ROBO2: variants seen among roughly 807,000 people sequenced by gnomAD.
The protein encoded by ROBO2 is roundabout guidance receptor 2, also known as roundabout homolog 2.
ROBO2 carries 53 observed loss-of-function variants against 160.8 expected under a neutral mutation model. The observed-to-expected ratio is 0.33, with a 90% CI of 0.26 to 0.41. The LOEUF (loss-of-function observed/expected upper bound fraction) is 0.41. Among genes scored for constraint, ROBO2 ranks in the 10% least tolerant of loss-of-function variants. The pLI is 1.00. For synonymous variants in ROBO2, 664 were observed against 611.7 expected (o/e 1.09, Z -1.26); for missense variants, 1,577 against 1,722.4 (o/e 0.92, Z 1.49).
chr3:76,682,098 C>T (rs778194910), intron 2 of ROBO2, among the ~76,000 whole-genome samples: 15 of 151,908 alleles, frequency 9.9e-5, no homozygotes, highest in Non-Finnish European at 1.6e-4. Flanking sequence ...GGACACATTG[C>T]GGAAATATTT....
intron 17 of ROBO2, 146 bp from the exon 19 acceptor site, chr3:77,594,996 C>T: frequency 1.6e-6 from 1 of 629,952 alleles, no homozygotes; most frequent in Non-Finnish European, 2.8e-6. Flanking sequence ...CTGCTTGTTA[C>T]TCTCTGTACA....
intron 2 of ROBO2, among the ~76,000 whole-genome samples, chr3:76,554,939 G>A (rs2083617074): frequency 6.6e-6 from 1 of 151,852 alleles, no homozygotes; most frequent in African/African-American, 2.4e-5. Context: ...TTATGGCATG[G>A]TGAACTGTGA....
At chr3:76,435,380 A>G (rs2076626059) in intron 2 of ROBO2, 2 of 782,776 alleles carry the variant, frequency 2.6e-6, no homozygotes, top group African/African-American at 1.7e-5. Context: ...TCAAGACCCT[A>G]CAGCATGGGC....
intron 2 of ROBO2, among the ~76,000 whole-genome samples, chr3:76,259,601 CAGA>C (rs1165353880): frequency 2.6e-5 from 4 of 152,156 alleles, no homozygotes; most frequent in East Asian, 1.9e-4. Context: ...TCCTCCTGAA[CAGA>C]AGAAGTACAT....
intron 16 of ROBO2, among the ~76,000 whole-genome samples, chr3:77,586,119 T>G (rs569100536): frequency 3.3e-4 from 51 of 152,244 alleles, no homozygotes; most frequent in African/African-American, 1.2e-3. Flanking sequence ...AACATTGGTG[T>G]TGTTCTTTTC....
chr3:76,018,696 A>G (rs2066474353), intron 2 of ROBO2, among the ~76,000 whole-genome samples: 1 of 151,942 alleles, frequency 6.6e-6, no homozygotes, highest in Non-Finnish European at 1.5e-5. Context: ...ATTGGCTAAT[A>G]TTTGCATTAT....
At chr3:75,970,575 T>G (rs1321333253) in intron 2 of ROBO2, among the ~76,000 whole-genome samples, 2 of 151,510 alleles carry the variant, frequency 1.3e-5, no homozygotes, top group African/African-American at 2.4e-5. Context: ...AGGACATTCC[T>G]CCTAAATTCT....
At chr3:75,938,713 A>G (rs2107035295) in intron 2 of ROBO2, among the ~76,000 whole-genome samples, 1 of 152,288 alleles carries the variant, frequency 6.6e-6, no homozygotes, top group East Asian at 1.9e-4. Context: ...TGTTCAATGA[A>G]TTTTTGAAAT....
At chr3:76,210,751 A>G (rs573515098) in intron 2 of ROBO2, among the ~76,000 whole-genome samples, 1 of 152,250 alleles carries the variant, frequency 6.6e-6, no homozygotes, top group South Asian at 2.1e-4. Context: ...TAAAGTATCT[A>G]ATCATGCAAG....
At position 76,385,566 on chromosome 3, in the gene ROBO2, G is replaced by C. The variant is rs536082884; in HGVS notation, c.109+447964G>C. Among the ~76,000 whole-genome samples, 4 of 152,176 alleles carry C rather than the reference G, an allele frequency of 2.6e-5. No individual in the cohort carries two copies. The South Asian group carries it at 6.2e-4, about 24-fold the overall frequency. ...TGTGACTTGTATGGAAAGCGTACCC[G>C]CAAATTAGATATTTGGTTACATGCA... On this transcript the variant is annotated intron_variant, in intron 2 of 26. Coordinates refer to the ROBO2 transcript ENST00000487694.
At chr3:76,696,546 C>T (rs1416800473) in intron 2 of ROBO2, among the ~76,000 whole-genome samples, 1 of 152,104 alleles carries the variant, frequency 6.6e-6, no homozygotes, top group East Asian at 1.9e-4. Flanking sequence ...TTAACTGAGT[C>T]ATTGTAGCTA....
intron 2 of ROBO2, among the ~76,000 whole-genome samples, chr3:76,997,419 T>C (rs2061080836): frequency 6.6e-6 from 1 of 152,124 alleles, no homozygotes; most frequent in African/African-American, 2.4e-5. Flanking sequence ...AGTTGTGGGG[T>C]CTAATGTTCT....
intron 2 of ROBO2, among the ~76,000 whole-genome samples, chr3:76,192,861 G>T (rs7621786): frequency 6.6e-6 from 1 of 151,978 alleles, no homozygotes; most frequent in African/African-American, 2.4e-5. Flanking sequence ...GTTCACAAGA[G>T]CTGCTTACAC....
At chr3:76,616,831 A>C (rs925545378) in intron 2 of ROBO2, among the ~76,000 whole-genome samples, 14 of 152,122 alleles carry the variant, frequency 9.2e-5, no homozygotes, top group Non-Finnish European at 1.5e-5. Context: ...GTGCAATCAT[A>C]GTGCACTACA....
At chr3:76,243,033 A>T (rs186074558) in intron 2 of ROBO2, among the ~76,000 whole-genome samples, 1 of 152,272 alleles carries the variant, frequency 6.6e-6, no homozygotes, top group African/African-American at 2.4e-5. Context: ...TGGCTCTTTA[A>T]ATCTGTAAAA....
chr3:77,208,349 A>G (rs2083681639), intron 2 of ROBO2, among the ~76,000 whole-genome samples: 1 of 152,244 alleles, frequency 6.6e-6, no homozygotes, highest in South Asian at 2.1e-4. Context: ...ATTAGGCTCT[A>G]TGTTACATAG....
At position 77,205,405 on chromosome 3, in the gene ROBO2, CTCTT is replaced by C. The variant is rs546248481; in HGVS notation, c.388+107069_388+107072del. On this transcript the variant is annotated intron_variant, in intron 2 of 25. Transcript: ENST00000461745. ...TGTGTTCACACTCCTTCTCTTCTCTCTCTTTCTCTGCCGTGCCGTTCTGCTGTTC... is the reference window on the plus strand; with the variant it reads ...TGTGTTCACACTCCTTCTCTTCTCTCTCTCTGCCGTGCCGTTCTGCTGTTC... Among the ~76,000 whole-genome samples, 319 of 152,164 alleles carry C rather than the reference CTCTT, an allele frequency of 2.1e-3. 8 individuals carry two copies. Among genetic ancestry groups the C allele is most frequent in the Non-Finnish European group, 5.0e-4 (34 of 68,016 alleles).
At chr3:77,339,088 A>C (rs2066787527) in intron 2 of ROBO2, among the ~76,000 whole-genome samples, 1 of 152,110 alleles carries the variant, frequency 6.6e-6, no homozygotes, top group Non-Finnish European at 1.5e-5. Flanking sequence ...TTAATTTCTA[A>C]TATATTTCTA....
chr3:76,359,222 G>A (rs910095147), intron 2 of ROBO2, among the ~76,000 whole-genome samples: 5 of 151,692 alleles, frequency 3.3e-5, no homozygotes, highest in African/African-American at 9.7e-5. Flanking sequence ...GAATAGTGCC[G>A]CAATAAACAT....
Sources: gnomAD v4.1 joint callset for allele counts (sites outside exome capture counted in the v4.1 genomes callset) on GRCh38, gnomAD v4.1.1 for gene constraint, MANE v1.5 for transcripts, NCBI Gene and HGNC (gene_info 2026-07-23, HGNC 2026-07-21) for gene names.